TECRL: variants seen among roughly 807,000 people sequenced by gnomAD.
The protein encoded by TECRL is trans-2,3-enoyl-CoA reductase like, also known as trans-2,3-enoyl-CoA reductase-like.
Under a neutral mutation model 52.8 loss-of-function variants are expected in TECRL, and 63 were observed. The ratio of observed to expected loss-of-function variants is 1.19; its 90% confidence interval spans 0.97 to 1.47. The LOEUF is 1.47. Ranked by LOEUF, TECRL falls within the 40% of genes most tolerant of loss-of-function variation. TECRL has a pLI of 0.00. For synonymous variants in TECRL, 164 were observed against 141.9 expected (o/e 1.16, Z -1.10); for missense variants, 482 against 429.6 (o/e 1.12, Z -1.08).
In TECRL at chr4:64,322,542, C is replaced by T. The variant is rs577658404; in HGVS notation, c.435+147G>A. On this transcript the variant is annotated intron_variant, in intron 4 of 11. Transcript: ENST00000381210. ...CTCCAATACTTGAGTAGAACTTTGG[C>T]CACTCGTCATAGTAAGAATAGAAAA... 105 of 440,150 alleles carry T rather than the reference C, an allele frequency of 2.4e-4. No homozygotes were observed. In the East Asian group the frequency reaches 4.0e-3, roughly 17 times the overall value. The allele number at this position is 440,150 out of a possible 1,614,324, so 27.3% of individuals were successfully genotyped here. A position where few individuals can be genotyped will look rare whatever the true frequency, so the allele number is the denominator to read the frequency against.
intron 1 of TECRL, among the ~76,000 whole-genome samples, chr4:64,383,740 C>A (rs1226949481): frequency 6.6e-6 from 1 of 151,778 alleles, no homozygotes; most frequent in Non-Finnish European, 1.5e-5. Context: ...TCATAGATTT[C>A]TTTTTCATTG....
intron 2 of TECRL, among the ~76,000 whole-genome samples, chr4:64,362,798 CATAACAACCAG>C (rs1282850836): frequency 1.3e-5 from 2 of 151,926 alleles, no homozygotes; most frequent in African/African-American, 4.8e-5. Context: ...ATCAAGTGTA[CATAACAACCAG>C]TTAACAACAT....
At position 64,387,100 on chromosome 4, in the gene TECRL, A is replaced by AC. The variant is rs1267508637; in HGVS notation, c.235-11878dup. 1.1e-4 allele frequency among the ~76,000 whole-genome samples: 16 copies of AC among 152,276 alleles called. 1 individual carries two copies. The East Asian group carries it at 3.1e-3, about 29-fold the overall frequency. On this transcript the variant is annotated intron_variant, in intron 1 of 11. Coordinates refer to ENST00000381210, the MANE Select transcript of TECRL (RefSeq NM_001010874.5). ...GCTTCACACCCCATCCCCACTGGCA[A>AC]CCACTAATCTTTTAGCTGTCATCAT... is the stretch of plus-strand genomic sequence containing the variant.
At chr4:64,352,740 C>T (rs1030891080) in intron 2 of TECRL, among the ~76,000 whole-genome samples, 2 of 152,158 alleles carry the variant, frequency 1.3e-5, no homozygotes, top group African/African-American at 2.4e-5. Context: ...CACATGTAAG[C>T]ACTTCTATGT....
intron 1 of TECRL, 113 bp downstream of exon 1, chr4:64,409,005 C>A: frequency 1.0e-6 from 1 of 996,426 alleles, no homozygotes; most frequent in Non-Finnish European, 1.4e-6. Context: ...AGGTAAAAGT[C>A]AGAAATGTAT....
At chr4:64,340,287 A>G (rs759521192) in intron 2 of TECRL, among the ~76,000 whole-genome samples, 1 of 152,208 alleles carries the variant, frequency 6.6e-6, no homozygotes, top group African/African-American at 2.4e-5. Flanking sequence ...TGGAGCAGGC[A>G]TGACAATCAC....
At chr4:64,317,279 C>CA (rs951318659) in intron 4 of TECRL, among the ~76,000 whole-genome samples, 28 of 139,004 alleles carry the variant, frequency 2.0e-4, no homozygotes, top group Middle Eastern at 3.7e-3. Context: ...ACTCCGTCTC[C>CA]AAAAAAAAAG....
chr4:64,289,680 TA>T, intron 9 of TECRL, 29 bp downstream of exon 9: 1 of 1,451,164 alleles, frequency 6.9e-7, no homozygotes, highest in South Asian at 1.4e-5. Context: ...TAATTCACTC[TA>T]AAGAAAAGAA....
intron 2 of TECRL, among the ~76,000 whole-genome samples, chr4:64,334,217 A>G (rs561713352): frequency 1.3e-5 from 2 of 152,040 alleles, no homozygotes; most frequent in Non-Finnish European, 2.9e-5. Flanking sequence ...ATATTACCCA[A>G]AATTCTTCCT....
At chr4:64,351,184 A>G (rs1489554465) in intron 2 of TECRL, among the ~76,000 whole-genome samples, 1 of 151,022 alleles carries the variant, frequency 6.6e-6, no homozygotes, top group Non-Finnish European at 1.5e-5. Context: ...GTTAATGGAT[A>G]TGAATATACA....
chr4:64,287,761 CTT>C (rs1450712676), intron 9 of TECRL, among the ~76,000 whole-genome samples: 1 of 152,164 alleles, frequency 6.6e-6, no homozygotes, highest in African/African-American at 2.4e-5. Context: ...TTGCTAATGA[CTT>C]ATTACTTGCT....
At chr4:64,292,706 T>C (rs549296622) in intron 8 of TECRL, among the ~76,000 whole-genome samples, 99 of 152,148 alleles carry the variant, frequency 6.5e-4, no homozygotes, top group African/African-American at 2.1e-3. Flanking sequence ...CCAGGGACAT[T>C]GCCAGAACTG....
At chr4:64,330,674 C>A (rs1043280893) in intron 2 of TECRL, among the ~76,000 whole-genome samples, 1 of 151,862 alleles carries the variant, frequency 6.6e-6, no homozygotes, top group Non-Finnish European at 1.5e-5. Flanking sequence ...AAACTTTATC[C>A]CATAGAAAGA....
intron 2 of TECRL, among the ~76,000 whole-genome samples, chr4:64,336,867 G>A (rs982461010): frequency 1.1e-4 from 16 of 152,184 alleles, no homozygotes; most frequent in Non-Finnish European, 2.2e-4. Context: ...ACTGTGGTCT[G>A]AGAGACAGTT....
chr4:64,354,293 T>G (rs899973624), intron 2 of TECRL, among the ~76,000 whole-genome samples: 2 of 152,132 alleles, frequency 1.3e-5, no homozygotes, highest in Admixed American at 1.3e-4. Flanking sequence ...TTCTAGGATA[T>G]GGAGAGGGAA....
chr4:64,389,353 C>T (rs1017371644), intron 1 of TECRL, among the ~76,000 whole-genome samples: 1 of 151,790 alleles, frequency 6.6e-6, no homozygotes, highest in Admixed American at 6.6e-5. Flanking sequence ...CAAATGATTT[C>T]TCTGTATCTG....
intron 2 of TECRL, among the ~76,000 whole-genome samples, chr4:64,366,170 C>G (rs948930967): frequency 1.3e-5 from 2 of 152,072 alleles, no homozygotes; most frequent in African/African-American, 4.8e-5. Flanking sequence ...ACATGGATAA[C>G]TGGCTAGCTA....
chr4:64,347,180 G>A (rs1167112071), intron 2 of TECRL, among the ~76,000 whole-genome samples: 1 of 152,138 alleles, frequency 6.6e-6, no homozygotes, highest in Non-Finnish European at 1.5e-5. Flanking sequence ...TGTCATTAAT[G>A]CAGTGAGGCC....
intron 3 of TECRL, among the ~76,000 whole-genome samples, chr4:64,325,152 C>T (rs550208905): frequency 6.6e-6 from 1 of 152,222 alleles, no homozygotes; most frequent in South Asian, 2.1e-4. Context: ...GAAAAGACAG[C>T]CACCTCTAGG....
Sources: gnomAD v4.1 joint callset for allele counts (sites outside exome capture counted in the v4.1 genomes callset) on GRCh38, gnomAD v4.1.1 for gene constraint, MANE v1.5 for transcripts, NCBI Gene and HGNC (gene_info 2026-07-23, HGNC 2026-07-21) for gene names.